Variants in PFKFB3 observed in about 807,000 individuals in gnomAD.
The protein encoded by PFKFB3 is 6-phosphofructo-2-kinase/fructose-2,6-biphosphatase 3.
PFKFB3 carries 33 observed loss-of-function variants against 68.0 expected under a neutral mutation model. The ratio of observed to expected loss-of-function variants is 0.49; its 90% confidence interval spans 0.37 to 0.65. PFKFB3 has a LOEUF of 0.65. PFKFB3 is among the 30% of genes least tolerant of loss of function. The pLI is 0.00. For synonymous variants in PFKFB3, 315 were observed against 288.2 expected (o/e 1.09, Z -0.94); for missense variants, 586 against 712.2 (o/e 0.82, Z 2.02).
rs1845543453 is a variant in PFKFB3, at chr10:6,228,909, G to A, written c.1515+2544G>A. Among the ~76,000 whole-genome samples the A allele has an allele frequency of 6.6e-6, 1 of 152,158 alleles. No homozygotes were observed. Among genetic ancestry groups the A allele is most frequent in the South Asian group, 2.1e-4 (1 of 4,830 alleles). On this transcript the variant is annotated intron_variant, in intron 14 of 14. Coordinates refer to ENST00000379775, the MANE Select transcript of PFKFB3 (RefSeq NM_004566.4). This position sits in a 1 kb window ranked among gnomAD's most constrained non-coding sequence, Gnocchi z 4.5. Reference sequence around the variant, plus strand: ...AGCTCTCTGCAGAGTTTCAGGTTCAGCCTTAGCTCTGGCAGCCACTGGGTA... The same window carrying A: ...AGCTCTCTGCAGAGTTTCAGGTTCAACCTTAGCTCTGGCAGCCACTGGGTA...
intron 1 of PFKFB3, among the ~76,000 whole-genome samples, chr10:6,207,165 C>T (rs576166365): frequency 3.3e-5 from 5 of 152,322 alleles, no homozygotes; most frequent in Admixed American, 6.5e-5. Context: ...ACTGAGTGAA[C>T]GAGACTCCGT....
At chr10:6,235,762 CT>C (rs1049206466), downstream of PFKFB3, among the ~76,000 whole-genome samples, 13 of 129,116 alleles carry the variant, frequency 1.0e-4, no homozygotes, top group African/African-American at 3.2e-4. Context: ...TAATTTTTTT[CT>C]TTTTTTTCTT....
chr10:6,300,626 A>G, the PFKFB3 span, among the ~76,000 whole-genome samples: 5 of 152,208 alleles, frequency 3.3e-5, no homozygotes, highest in African/African-American at 1.2e-4. Flanking sequence ...TTAGCAGGAA[A>G]CGATGTGTCG....
intron 6 of PFKFB3, among the ~76,000 whole-genome samples, 160 bp downstream of exon 6, chr10:6,217,351 G>A (rs1844653052): frequency 6.6e-6 from 1 of 152,224 alleles, no homozygotes; most frequent in Admixed American, 6.5e-5. Flanking sequence ...GACCTACAGA[G>A]CGGTTTTTAA....
At chr10:6,289,129 G>C in the PFKFB3 span, among the ~76,000 whole-genome samples, 9 of 142,176 alleles carry the variant, frequency 6.3e-5, no homozygotes, top group Non-Finnish European at 3.1e-5. Flanking sequence ...AGTAGGTTGC[G>C]AAAATTTTCT....
At chr10:6,218,409 ATTATTTATTTATTTATTTAT>A (rs5782883) in intron 6 of PFKFB3, among the ~76,000 whole-genome samples, 4 of 143,256 alleles carry the variant, frequency 2.8e-5, no homozygotes, top group Non-Finnish European at 6.0e-5. Flanking sequence ...AATCATTTTT[ATTATTTATTTATTTATTTAT>A]TTATTTATTT....
rs530704839 is a variant in PFKFB3 at position 6,154,309 on chromosome 10, G to A, written c.16+9296G>A. Among the ~76,000 whole-genome samples the A allele has an allele frequency of 2.0e-4, 30 of 151,652 alleles. No homozygotes were observed. Among genetic ancestry groups the A allele is most frequent in the African/African-American group, 5.6e-4 (23 of 41,322 alleles). On this transcript the variant is annotated intron_variant, in intron 1 of 14. Transcript: ENST00000379789. This position sits in a 1 kb window ranked among gnomAD's most constrained non-coding sequence, Gnocchi z 4.6. ...TGGCCAGGCTGGAGTGCAGTGGCGC[G>A]TTCTCGGCTCACTGCAACCTCTGCC... is the stretch of plus-strand genomic sequence containing the variant.
At chr10:6,181,792 C>T (rs1438255277) in intron 1 of PFKFB3, among the ~76,000 whole-genome samples, 1 of 129,224 alleles carries the variant, frequency 7.7e-6, no homozygotes, top group Non-Finnish European at 1.6e-5. Context: ...AGTAAGACTC[C>T]GTTTAAAAAA....
At position 6,244,818 on chromosome 10, in the gene PFKFB3, C is replaced by T. The variant is rs886455876; in HGVS notation, c.1516-9360C>T. Among the ~76,000 whole-genome samples, 27 of 152,196 alleles carry T rather than the reference C, an allele frequency of 1.8e-4. No individual in the cohort carries two copies. The East Asian group carries it at 5.0e-3, about 28-fold the overall frequency. On this transcript the variant is annotated intron_variant, in intron 14 of 14. Coordinates refer to the PFKFB3 transcript ENST00000640683. ...GTTAAATCAGGTTCATTCGTTCATT[C>T]GTAATTGAGAGGGAGAGTTCCTATT...
chr10:6,239,767 G>A (rs893891968), downstream of PFKFB3, among the ~76,000 whole-genome samples: 3 of 152,038 alleles, frequency 2.0e-5, no homozygotes, highest in African/African-American at 4.8e-5. Flanking sequence ...TTGAACTCCC[G>A]GGCTCAAGCC....
In PFKFB3 at chr10:6,220,365, A is replaced by T. The variant is rs1844867130; in HGVS notation, c.624-293A>T. Among the ~76,000 whole-genome samples, 1 of 152,050 alleles carries T rather than the reference A, an allele frequency of 6.6e-6. No individual in the cohort carries two copies. Among genetic ancestry groups the T allele is most frequent in the African/African-American group, 2.4e-5 (1 of 41,368 alleles). Reference sequence around the variant, plus strand: ...CAATCCTCTTGCCTCGGCCTCCCAAAGTGCTGGGATTACAGGCATGAGCCA... The same window carrying T: ...CAATCCTCTTGCCTCGGCCTCCCAATGTGCTGGGATTACAGGCATGAGCCA... On this transcript the variant is annotated intron_variant, in intron 7 of 14. Coordinates refer to ENST00000379775, the MANE Select transcript of PFKFB3 (RefSeq NM_004566.4). The surrounding 1 kb of genome is among the most constrained non-coding windows in gnomAD (Gnocchi z 4.1).
rs759610764 is a variant in PFKFB3 at position 6,221,539 on chromosome 10, G to C, written c.978+12G>C. ...ATGAGATCGACGCGGTGAGTCCTGG[G>C]AGGCGGGCAGGCAGCCTCACCCTCG... On this transcript the variant is annotated intron_variant, in intron 9 of 14. Transcript: ENST00000379775. The C allele has an allele frequency of 9.3e-6, 15 of 1,612,744 alleles. No homozygotes were observed. Among genetic ancestry groups the C allele is most frequent in the Non-Finnish European group, 1.3e-5 (15 of 1,179,748 alleles).
At chr10:6,241,053 C>T (rs12267950) in intron 14 of PFKFB3, among the ~76,000 whole-genome samples, 3,005 of 152,132 alleles carry the variant, frequency 0.02, 41 homozygotes, top group East Asian at 0.076. Context: ...TACAGGTGCA[C>T]ACCACCATGC....
chr10:6,196,716 C>T (rs1346952966), intron 1 of PFKFB3, among the ~76,000 whole-genome samples: 1 of 152,088 alleles, frequency 6.6e-6, no homozygotes, highest in Admixed American at 6.5e-5. Context: ...GAGGGTGGGT[C>T]TGCCTCTCCC....
intron 1 of PFKFB3, among the ~76,000 whole-genome samples, chr10:6,177,618 C>T (rs1842567532): frequency 1.3e-5 from 2 of 150,856 alleles, no homozygotes; most frequent in African/African-American, 2.4e-5. Context: ...CTCTGCCTCC[C>T]GGGTTCAAGC....
the PFKFB3 span, among the ~76,000 whole-genome samples, chr10:6,302,528 C>G: frequency 6.7e-6 from 1 of 149,422 alleles, no homozygotes; most frequent in East Asian, 2.0e-4. Context: ...ATTACAGGTG[C>G]CTGCCACCAC....
At chr10:6,198,628 G>A (rs1843239545), upstream of PFKFB3, among the ~76,000 whole-genome samples, 1 of 152,290 alleles carries the variant, frequency 6.6e-6, no homozygotes, top group African/African-American at 2.4e-5. Flanking sequence ...GATTACAGGT[G>A]TGTACCACCA....
chr10:6,147,300 T>C (rs1403619189), intron 1 of PFKFB3, among the ~76,000 whole-genome samples: 1 of 152,130 alleles, frequency 6.6e-6, no homozygotes, highest in African/African-American at 2.4e-5. Context: ...AATTTAAAAA[T>C]TGGGAAATGA....
In PFKFB3 at chr10:6,216,190, C is replaced by T. The variant is rs1391258081; in HGVS notation, c.365C>T (p.Ala122Val). The T allele has an allele frequency of 2.5e-6, 4 of 1,613,852 alleles. No homozygotes were observed. Among genetic ancestry groups the T allele is most frequent in the Non-Finnish European group, 3.4e-6 (4 of 1,179,730 alleles). Residue 122 changes from alanine to valine, a missense_variant and splice_region_variant, in exon 4 of 15, where the codon GCG becomes GTG. Coordinates refer to ENST00000379775, the MANE Select transcript of PFKFB3 (RefSeq NM_004566.4). ...CTGGCGAAAGAAGGGGGACAAATTGCGGTAAGTCCAGGCAATGTAGCCGGC... is the reference window on the plus strand; with the variant it reads ...CTGGCGAAAGAAGGGGGACAAATTGTGGTAAGTCCAGGCAATGTAGCCGGC... ...SYLAKEGGQI[A>V]VFDATNTTRE...
Sources: gnomAD v4.1 joint callset for allele counts (sites outside exome capture counted in the v4.1 genomes callset) on GRCh38, gnomAD v4.1.1 for gene constraint, Gnocchi (gnomAD v3.1) non-coding constraint, MANE v1.5 for transcripts, NCBI Gene and HGNC (gene_info 2026-07-23, HGNC 2026-07-21) for gene names.